Variants in ALPK2 observed in about 807,000 individuals in gnomAD.
ALPK2 encodes alpha kinase 2.
Under a neutral mutation model 163.1 loss-of-function variants are expected in ALPK2, and 127 were observed. The ratio of observed to expected loss-of-function variants is 0.78; its 90% CI spans 0.67 to 0.90. The LOEUF (loss-of-function observed/expected upper bound fraction) is 0.90. ALPK2 is among the 40% of genes least tolerant of loss of function. The probability of loss-of-function intolerance (pLI) is 0.00; values close to 1 mark genes in which losing one functional copy is unlikely to be tolerated. For missense variants in ALPK2, 2,360 were observed against 2,589.6 expected, an observed-to-expected ratio of 0.91 and a Z score of 1.92; for synonymous variants, 953 against 959.1, an observed-to-expected ratio of 0.99 and a Z score of 0.12.
rs2051523965 is a variant in ALPK2, at chr18:58,516,838, G to A, written c.5940+70C>T. 20 of 1,536,746 alleles carry A rather than the reference G, an allele frequency of 1.3e-5. No homozygotes were observed. The South Asian group carries it at 2.4e-4, about 18-fold the overall frequency. On this transcript the variant is annotated intron_variant, in intron 9 of 12. Coordinates refer to ENST00000361673, the MANE Select transcript of ALPK2 (RefSeq NM_052947.4). ...AGATATTCCCATCAATCCTGAGTCT[G>A]ATTTTCATCTCGTCTTATCATGGGT...
At chr18:58,493,035 C>T (rs1024734429) in intron 12 of ALPK2, among the ~76,000 whole-genome samples, 3 of 152,186 alleles carry the variant, frequency 2.0e-5, no homozygotes, top group South Asian at 2.1e-4. Context: ...AATCAGCCAG[C>T]GGGCCAGCCA....
chr18:58,535,664 C>T lies in ALPK2; in HGVS notation c.4523G>A (p.Cys1508Tyr), dbSNP rs1291627985. Reference protein sequence around the residue: ...SEGGERIPSGCSIGQIQESSD... With the variant: ...SEGGERIPSGYSIGQIQESSD... ...GCTTTCTTGTATTTGGCCTATGCTA[C>T]ATCCACTTGGAATTCTTTCACCGCC... Residue 1508 changes from cysteine to tyrosine, a missense_variant, in exon 5 of 13, where the codon TGT (cysteine) becomes TAT (tyrosine). Transcript: ENST00000361673. 1 of 1,614,250 alleles carries T rather than the reference C, an allele frequency of 6.2e-7. No homozygotes were observed.
chr18:58,553,042 A>G (rs2051768128), intron 4 of ALPK2, among the ~76,000 whole-genome samples: 1 of 152,120 alleles, frequency 6.6e-6, no homozygotes, highest in African/African-American at 2.4e-5. Flanking sequence ...CCATGTGATG[A>G]TGGAGGCAGA....
At chr18:58,491,890 A>G (rs185776785) in intron 12 of ALPK2, among the ~76,000 whole-genome samples, 2 of 152,348 alleles carry the variant, frequency 1.3e-5, no homozygotes, top group East Asian at 1.9e-4. Context: ...CACTAGGTAC[A>G]GGCTTTTTGA....
intron 12 of ALPK2, among the ~76,000 whole-genome samples, chr18:58,483,587 G>A (rs891517115): frequency 6.7e-6 from 1 of 150,336 alleles, no homozygotes; most frequent in Non-Finnish European, 1.5e-5. Context: ...TCTCATTCTT[G>A]TTGCCCAGGC....
rs2051330999 is a variant in ALPK2 at position 58,484,893 on chromosome 18, C to G, written c.6297-2854G>C. On this transcript the variant is annotated intron_variant, in intron 12 of 12. Transcript: ENST00000361673. ...GTTGTTATAATTATCAACATTACAACTGATGCAACTGATGCGGGCTTCCTG... is the reference window on the plus strand; with the variant it reads ...GTTGTTATAATTATCAACATTACAAGTGATGCAACTGATGCGGGCTTCCTG... 2.0e-5 allele frequency among the ~76,000 whole-genome samples: 3 copies of G among 152,118 alleles called. No homozygotes were observed. In the South Asian group the frequency reaches 6.2e-4, roughly 32 times the overall value.
At chr18:58,530,754 G>C (rs544975249) in intron 5 of ALPK2, among the ~76,000 whole-genome samples, 68 of 152,370 alleles carry the variant, frequency 4.5e-4, no homozygotes, top group African/African-American at 1.5e-3. Context: ...ATGTGAGACA[G>C]AGGTGGAAAG....
At chr18:58,586,293 G>A (rs185199405) in intron 3 of ALPK2, among the ~76,000 whole-genome samples, 19 of 152,278 alleles carry the variant, frequency 1.2e-4, no homozygotes, top group Admixed American at 1.0e-3. Context: ...GTAGAAAGTA[G>A]AAGCATGGAG....
rs756185351 is a variant in ALPK2 at position 58,578,893 on chromosome 18, G to A, written c.1883C>T (p.Thr628Ile). 1 of 1,614,230 alleles carries A rather than the reference G, an allele frequency of 6.2e-7. No individual in the cohort carries two copies. Among genetic ancestry groups the A allele is most frequent in the Non-Finnish European group, 8.5e-7 (1 of 1,180,050 alleles). ...TTGCATGCCTTCTCCCTTGCAATTTGTGTTGCCTTCTTTGGAGACTGAGTC... is the reference window on the plus strand; with the variant it reads ...TTGCATGCCTTCTCCCTTGCAATTTATGTTGCCTTCTTTGGAGACTGAGTC... ...STDSVSKEGN[T>I]NCKGEGMQVN... The change falls in exon 4 of 13, where the codon ACA (threonine) becomes ATA (isoleucine). Residue 628 changes from threonine to isoleucine, a missense_variant. Thr to Ile is a moderately conservative substitution (Grantham distance 89). Coordinates refer to ENST00000361673, the MANE Select transcript of ALPK2 (RefSeq NM_052947.4).
intron 5 of ALPK2, among the ~76,000 whole-genome samples, chr18:58,530,776 G>A (rs1260010977): frequency 1.3e-5 from 2 of 152,194 alleles, no homozygotes; most frequent in South Asian, 2.1e-4. Context: ...GCAGCTGAAC[G>A]AGCTCAAAGG....
Position 58,535,067 on chromosome 18 carries a change from C to A in ALPK2, c.5120G>T (p.Gly1707Val), listed in dbSNP as rs1352600326. 2 of 1,614,128 alleles carry A rather than the reference C, an allele frequency of 1.2e-6. No individual in the cohort carries two copies. Among genetic ancestry groups the A allele is most frequent in the Non-Finnish European group, 1.7e-6 (2 of 1,180,030 alleles). Residue 1707 changes from glycine (G) to valine (V), a missense_variant, in exon 5 of 13, where the codon GGG becomes GTG. Coordinates refer to ENST00000361673, the MANE Select transcript of ALPK2 (RefSeq NM_052947.4). ...TGGCTTCCTCTTGACCTCCTCTGAC[C>A]CCGTCACTGCTGTGAGGGTCCCTGG... The part of the protein sequence containing the change: ...KSPGTLTAVT[G>V]SEEVKRKPEA...
chr18:58,531,935 CA>C (rs35957271), intron 5 of ALPK2, among the ~76,000 whole-genome samples: 890 of 49,524 alleles, frequency 0.018, 1 homozygote, highest in African/African-American at 0.069. Flanking sequence ...GGCTCCGTCT[CA>C]AAAAAAAAAA....
intron 10 of ALPK2, among the ~76,000 whole-genome samples, chr18:58,508,153 C>G (rs1474330783): frequency 6.6e-6 from 1 of 152,146 alleles, no homozygotes; most frequent in Non-Finnish European, 1.5e-5. Flanking sequence ...CTCCCTGATT[C>G]CATCCCTGAC....
At chr18:58,593,880 A>C (rs1024810668) in intron 3 of ALPK2, among the ~76,000 whole-genome samples, 7 of 151,978 alleles carry the variant, frequency 4.6e-5, no homozygotes, top group African/African-American at 1.7e-4. Context: ...CTCCATCTCA[A>C]AAATAAATAA....
chr18:58,515,731 G>A (rs1424526022), intron 9 of ALPK2, among the ~76,000 whole-genome samples: 3 of 152,224 alleles, frequency 2.0e-5, no homozygotes, highest in African/African-American at 7.2e-5. Flanking sequence ...AGTCCCACGT[G>A]GCAGTGCCGC....
chr18:58,571,495 T>C (rs2051885890), intron 4 of ALPK2, among the ~76,000 whole-genome samples: 2 of 146,406 alleles, frequency 1.4e-5, no homozygotes, highest in South Asian at 4.3e-4. Flanking sequence ...TCAAAATGGA[T>C]CATTGGCTTC....
intron 12 of ALPK2, among the ~76,000 whole-genome samples, chr18:58,493,498 G>A (rs574318188): frequency 3.3e-5 from 5 of 152,144 alleles, no homozygotes; most frequent in East Asian, 3.9e-4. Flanking sequence ...GGTGGCTGCC[G>A]TCCCCTCCAT....
intron 4 of ALPK2, among the ~76,000 whole-genome samples, chr18:58,553,157 G>A (rs1440055759): frequency 1.3e-5 from 2 of 152,160 alleles, no homozygotes; most frequent in African/African-American, 4.8e-5. Flanking sequence ...GACCTCCAGG[G>A]AAAACCAATA....
chr18:58,545,163 TCGTCGAGCTA>T (rs1225766086), intron 4 of ALPK2: 6 of 151,604 alleles, frequency 4.0e-5, no homozygotes. Flanking sequence ...TTTGCAGTCA[TCGTCGAGCTA>T]CTGGAATGAC....
Sources: allele counts gnomAD v4.1 joint callset (sites outside exome capture counted in the v4.1 genomes callset), GRCh38; gene constraint gnomAD v4.1.1; transcripts MANE v1.5; gene names NCBI Gene and HGNC (gene_info 2026-07-23, HGNC 2026-07-21).